IL1RAPL2: variants seen among roughly 807,000 people sequenced by gnomAD.
The protein encoded by IL1RAPL2 is X-linked interleukin-1 receptor accessory protein-like 2.
A neutral mutation model predicts 44.1 loss-of-function variants in IL1RAPL2; 3 were observed. The observed-to-expected ratio is 0.07, with a 90% CI of 0.03 to 0.18. The LOEUF (loss-of-function observed/expected upper bound fraction) is 0.18, where lower values mean the gene tolerates loss of function less well. Among genes scored for constraint, IL1RAPL2 ranks in the 10% least tolerant of loss-of-function variants. The probability of loss-of-function intolerance (pLI) is 1.00; values close to 1 mark genes in which losing one functional copy is unlikely to be tolerated. For missense variants in IL1RAPL2, 391 were observed against 496.4 expected (o/e 0.79, Z 2.02); for synonymous variants, 181 against 178.8 (o/e 1.01, Z -0.10).
intron 2 of IL1RAPL2, among the ~76,000 whole-genome samples, chrX:104,882,581 A>G (rs1233926175): frequency 9.0e-6 from 1 of 111,521 alleles, no homozygotes; most frequent in Admixed American, 9.6e-5. Context: ...TAAATGCACC[A>G]ATCAGCACTC....
At chrX:104,644,936 G>C (rs933532157) in intron 1 of IL1RAPL2, among the ~76,000 whole-genome samples, 1 of 111,225 alleles carries the variant, frequency 9.0e-6, no homozygotes, top group African/African-American at 3.3e-5. Context: ...TCTTCTTTTG[G>C]TTAACAGCCT....
At chrX:105,623,615 A>G (rs1279582655) in intron 6 of IL1RAPL2, among the ~76,000 whole-genome samples, 1 of 110,879 alleles carries the variant, frequency 9.0e-6, no homozygotes, top group Non-Finnish European at 1.9e-5. Context: ...ATTGAGCACT[A>G]CTACAAATTA....
intron 8 of IL1RAPL2, among the ~76,000 whole-genome samples, chrX:105,747,537 C>T (rs183379168): frequency 0.086 from 4,448 of 51,898 alleles, 207 homozygotes; most frequent in African/African-American, 0.16. Flanking sequence ...TATATATATA[C>T]ACACACACAC....
intron 2 of IL1RAPL2, among the ~76,000 whole-genome samples, chrX:104,848,100 C>T (rs1332036148): frequency 4.5e-5 from 5 of 109,922 alleles, no homozygotes; most frequent in South Asian, 3.9e-4. Context: ...TGGGCTGAGG[C>T]GATGGGGTTT....
At chrX:105,745,309 C>A (rs2038531691) in intron 8 of IL1RAPL2, among the ~76,000 whole-genome samples, 1 of 111,998 alleles carries the variant, frequency 8.9e-6, no homozygotes, top group South Asian at 3.7e-4. Context: ...ATCTCTTCTA[C>A]CCTCTATCCA....
chrX:105,702,081 A>G (rs2038123895), intron 6 of IL1RAPL2, among the ~76,000 whole-genome samples: 1 of 111,957 alleles, frequency 8.9e-6, no homozygotes, highest in South Asian at 3.7e-4. Flanking sequence ...TGGCTAACAA[A>G]GTACAGCTGC....
chrX:105,417,254 A>G (rs967864628), intron 5 of IL1RAPL2, among the ~76,000 whole-genome samples: 3 of 112,360 alleles, frequency 2.7e-5, no homozygotes, highest in Non-Finnish European at 3.8e-5. Context: ...CAGGTGGATT[A>G]CCTGAAGTCA....
At chrX:105,413,708 A>G (rs1437768351) in intron 5 of IL1RAPL2, among the ~76,000 whole-genome samples, 2 of 112,389 alleles carry the variant, frequency 1.8e-5, no homozygotes, top group African/African-American at 6.5e-5. Flanking sequence ...AGTCATAGGA[A>G]ACAAATACAC....
intron 2 of IL1RAPL2, among the ~76,000 whole-genome samples, chrX:104,936,692 G>C (rs1925036301): frequency 1.0e-5 from 1 of 100,100 alleles, no homozygotes; most frequent in African/African-American, 3.9e-5. Flanking sequence ...GCGCGATCTC[G>C]GCTCACTGCA....
rs918024175 is a variant in IL1RAPL2 at position 105,588,098 on chromosome X, C to T, written c.772+103711C>T. On this transcript the variant is annotated intron_variant, in intron 6 of 10. Transcript: ENST00000372582. ...TTCCATATATATGGATGATGTTATACTTATTTATTTTATATCTTATTTATT... is the reference window on the plus strand; with the variant it reads ...TTCCATATATATGGATGATGTTATATTTATTTATTTTATATCTTATTTATT... Among the ~76,000 whole-genome samples, 7 of 110,745 alleles carry T rather than the reference C, an allele frequency of 6.3e-5. No individual in the cohort carries two copies. In the Admixed American group the frequency reaches 6.8e-4, roughly 11 times the overall value.
At chrX:105,553,676 T>C (rs2036875441) in intron 6 of IL1RAPL2, among the ~76,000 whole-genome samples, 1 of 112,289 alleles carries the variant, frequency 8.9e-6, no homozygotes, top group Non-Finnish European at 1.9e-5. Flanking sequence ...ATTATCTTAA[T>C]AATTTATTTT....
At chrX:104,975,236 C>T (rs2030310939) in intron 2 of IL1RAPL2, among the ~76,000 whole-genome samples, 1 of 110,816 alleles carries the variant, frequency 9.0e-6, no homozygotes, top group Non-Finnish European at 1.9e-5. Context: ...GAGTTTGGGT[C>T]TGCATTTGTA....
At chrX:105,155,193 C>G (rs1392760870) in intron 2 of IL1RAPL2, among the ~76,000 whole-genome samples, 1 of 111,294 alleles carries the variant, frequency 9.0e-6, no homozygotes, top group Non-Finnish European at 1.9e-5. Flanking sequence ...ATATCCTCAT[C>G]ATCTGTTCCA....
At chrX:104,684,009 G>T (rs1930936587) in intron 2 of IL1RAPL2, among the ~76,000 whole-genome samples, 1 of 111,734 alleles carries the variant, frequency 8.9e-6, no homozygotes, top group Non-Finnish European at 1.9e-5. Context: ...GTCACACCCA[G>T]GGTACATTTT....
intron 2 of IL1RAPL2, among the ~76,000 whole-genome samples, chrX:104,964,317 T>A (rs975605584): frequency 1.2e-4 from 13 of 105,391 alleles, no homozygotes; most frequent in African/African-American, 3.5e-4. Context: ...TATTTATTTA[T>A]TTTATTTATT....
At chrX:105,638,797 T>C (rs2037543606) in intron 6 of IL1RAPL2, among the ~76,000 whole-genome samples, 1 of 112,486 alleles carries the variant, frequency 8.9e-6, no homozygotes. Flanking sequence ...GTAGATGTTA[T>C]TCTGAAAAGA....
At chrX:105,265,781 TACAC>T (rs776377558) in intron 4 of IL1RAPL2, among the ~76,000 whole-genome samples, 4 of 110,407 alleles carry the variant, frequency 3.6e-5, no homozygotes, top group African/African-American at 6.6e-5. Context: ...TCAGATCACT[TACAC>T]ACACACACAC....
chrX:104,870,596 A>T (rs1163605403), intron 2 of IL1RAPL2, among the ~76,000 whole-genome samples: 1 of 111,525 alleles, frequency 9.0e-6, no homozygotes, highest in African/African-American at 3.3e-5. Flanking sequence ...TTGTGTTCTC[A>T]ACTCATACCT....
At chrX:104,621,230 A>G (rs1202135965) in intron 1 of IL1RAPL2, among the ~76,000 whole-genome samples, 1 of 107,160 alleles carries the variant, frequency 9.3e-6, no homozygotes, top group Non-Finnish European at 1.9e-5. Flanking sequence ...AAGTATGTAC[A>G]TCTCAGCAGT....
Sources: allele counts gnomAD v4.1 joint callset (sites outside exome capture counted in the v4.1 genomes callset), GRCh38; gene constraint gnomAD v4.1.1; transcripts MANE v1.5; gene names NCBI Gene and HGNC (gene_info 2026-07-23, HGNC 2026-07-21).